Variants in PTPRD observed in about 807,000 individuals in gnomAD.
PTPRD encodes protein tyrosine phosphatase receptor type D.
In PTPRD, 34 loss-of-function variants were observed where a neutral mutation model predicts 214.5. The ratio of observed to expected loss-of-function variants is 0.16; its 90% CI spans 0.12 to 0.21. The LOEUF (loss-of-function observed/expected upper bound fraction) is 0.21, where lower values mean the gene tolerates loss of function less well. Ranked by LOEUF, PTPRD falls within the 10% of genes least tolerant of loss-of-function variation. The pLI is 1.00. For synonymous variants in PTPRD, 1,128 were observed against 845.7 expected (o/e 1.33, Z -5.79); for missense variants, 2,545 against 2,398.7 (o/e 1.06, Z -1.27).
chr9:9,566,405 G>A (rs1000985379), intron 8 of PTPRD, among the ~76,000 whole-genome samples: 1 of 151,806 alleles, frequency 6.6e-6, no homozygotes, highest in African/African-American at 2.4e-5. Context: ...ATGGTGTTGT[G>A]GTCAAAAATT....
intron 11 of PTPRD, among the ~76,000 whole-genome samples, chr9:8,949,424 A>C (rs1026260066): frequency 4.6e-5 from 7 of 152,154 alleles, no homozygotes; most frequent in Admixed American, 4.6e-4. Flanking sequence ...TTCATAGCTT[A>C]ATCTGCATGA....
At chr9:9,875,310 G>A (rs2066537453) in intron 5 of PTPRD, among the ~76,000 whole-genome samples, 1 of 151,992 alleles carries the variant, frequency 6.6e-6, no homozygotes, top group Admixed American at 6.6e-5. Context: ...CTAAATTACT[G>A]AGGAAAAATA....
chr9:10,065,788 G>T (rs533147438), intron 3 of PTPRD, among the ~76,000 whole-genome samples: 3 of 151,842 alleles, frequency 2.0e-5, no homozygotes, highest in African/African-American at 7.2e-5. Context: ...GGGAAGAAAA[G>T]TATTTTCCGG....
chr9:9,411,464 G>A (rs2075409242), intron 8 of PTPRD, among the ~76,000 whole-genome samples: 1 of 152,036 alleles, frequency 6.6e-6, no homozygotes. Context: ...ATCCAGAACT[G>A]TCTAAACAAA....
chr9:9,897,777 A>G (rs2075387686), intron 5 of PTPRD, among the ~76,000 whole-genome samples: 2 of 152,104 alleles, frequency 1.3e-5, no homozygotes, highest in South Asian at 2.1e-4. Context: ...TTTAAACTTG[A>G]TATTTTTTAA....
intron 11 of PTPRD, among the ~76,000 whole-genome samples, chr9:8,873,525 T>A (rs894580842): frequency 1.8e-4 from 28 of 152,146 alleles, no homozygotes; most frequent in East Asian, 7.7e-4. Context: ...TATTTTTTTT[T>A]AACCAAGTTC....
chr9:8,830,516 G>A (rs921614932), intron 11 of PTPRD, among the ~76,000 whole-genome samples: 2 of 152,064 alleles, frequency 1.3e-5, no homozygotes, highest in African/African-American at 4.8e-5. Context: ...ATGGACAGAT[G>A]AGAGGTTTCA....
chr9:9,396,032 C>T (rs1288799750), intron 9 of PTPRD, among the ~76,000 whole-genome samples: 1 of 151,978 alleles, frequency 6.6e-6, no homozygotes, highest in African/African-American at 2.4e-5. Context: ...TGACTTTCTT[C>T]AATCCTTTAC....
chr9:10,350,594 G>A (rs2097165229), intron 2 of PTPRD, among the ~76,000 whole-genome samples: 1 of 152,086 alleles, frequency 6.6e-6, no homozygotes, highest in Non-Finnish European at 1.5e-5. Context: ...TGATGAAACA[G>A]AGGTGCCAAA....
At chr9:8,575,041 T>A (rs1034166817) in intron 14 of PTPRD, among the ~76,000 whole-genome samples, 1 of 152,050 alleles carries the variant, frequency 6.6e-6, no homozygotes, top group Non-Finnish European at 1.5e-5. Flanking sequence ...CGTTTGCAAA[T>A]AGATCACACT....
intron 5 of PTPRD, among the ~76,000 whole-genome samples, chr9:9,788,244 G>A (rs925430102): frequency 4.6e-5 from 7 of 151,648 alleles, no homozygotes; most frequent in Non-Finnish European, 8.8e-5. Context: ...AGGATGCCAT[G>A]AAAAAAGATA....
At position 10,458,526 on chromosome 9, in the gene PTPRD, A is replaced by T. The variant is rs190454818; in HGVS notation, c.-599-117509T>A. ...GACAAAGCCTCTCAACAGTTTAGAC[A>T]TAGACGAAAAGTTCTTCACCGTAGT... On this transcript the variant is annotated intron_variant, in intron 2 of 45. Transcript: ENST00000381196. 1.3e-3 allele frequency among the ~76,000 whole-genome samples: 195 copies of T among 152,302 alleles called. 8 individuals are homozygous for T. The highest frequency in any genetic ancestry group is 0.013 in the Admixed American group (194 of 15,290).
chr9:10,386,698 C>CAG lies in PTPRD; in HGVS notation c.-599-45683_-599-45682dup, dbSNP rs376278157. On this transcript the variant is annotated intron_variant, in intron 2 of 45. Coordinates refer to ENST00000381196, the MANE Select transcript of PTPRD (RefSeq NM_002839.4). ...ACAAAACAAACAAACAAACAAAAAA[C>CAG]AGAGAGAGAGAGAGACAAATAAAAG... is the stretch of plus-strand genomic sequence containing the variant. Among the ~76,000 whole-genome samples the CAG allele has an allele frequency of 1.6e-3, 242 of 150,742 alleles. 2 individuals are homozygous for CAG. The highest frequency in any genetic ancestry group is 5.0e-3 in the African/African-American group (206 of 41,198).
At chr9:10,603,029 G>A (rs1923438) in intron 2 of PTPRD, among the ~76,000 whole-genome samples, 67,267 of 151,450 alleles carry the variant, frequency 0.44, 15,052 homozygotes, top group Middle Eastern at 0.54. Context: ...TTTGGTCATG[G>A]ATTATCAAGT....
intron 6 of PTPRD, among the ~76,000 whole-genome samples, chr9:9,745,406 A>G (rs1055492620): frequency 6.6e-5 from 10 of 152,118 alleles, no homozygotes; most frequent in African/African-American, 2.4e-4. Flanking sequence ...CAAGTAGCAC[A>G]AAGAAGTTTT....
chr9:9,524,869 G>C (rs2073677082), intron 8 of PTPRD, among the ~76,000 whole-genome samples: 1 of 152,120 alleles, frequency 6.6e-6, no homozygotes, highest in Non-Finnish European at 1.5e-5. Flanking sequence ...TTGTTTGTTT[G>C]TTTGTTGAGA....
chr9:9,181,790 A>C (rs1288135289), intron 10 of PTPRD, among the ~76,000 whole-genome samples: 2 of 152,026 alleles, frequency 1.3e-5, no homozygotes. Flanking sequence ...CATATTTGAA[A>C]TATTTCTATT....
intron 3 of PTPRD, among the ~76,000 whole-genome samples, chr9:10,248,082 C>T (rs142991087): frequency 6.6e-6 from 1 of 152,210 alleles, no homozygotes; most frequent in Non-Finnish European, 1.5e-5. Context: ...TCACTTTCTG[C>T]CATGATTAGG....
chr9:9,984,515 TGGACGCA>T (rs2095643514), intron 4 of PTPRD, among the ~76,000 whole-genome samples: 1 of 152,086 alleles, frequency 6.6e-6, no homozygotes, highest in Admixed American at 6.6e-5. Context: ...GAGTGCAGAT[TGGACGCA>T]GGTGAGCCAC....
Sources: gnomAD v4.1 joint callset for allele counts (sites outside exome capture counted in the v4.1 genomes callset) on GRCh38, gnomAD v4.1.1 for gene constraint, MANE v1.5 for transcripts, NCBI Gene and HGNC (gene_info 2026-07-23, HGNC 2026-07-21) for gene names.